Variants in DPYD observed in about 807,000 individuals in gnomAD.
The protein encoded by DPYD is dihydropyrimidine dehydrogenase [NADP(+)].
Under a neutral mutation model 116.2 loss-of-function variants are expected in DPYD, and 109 were observed. That is an observed-to-expected ratio of 0.94 (90% CI 0.80 to 1.10). The LOEUF is 1.10. DPYD is among the 50% of genes least tolerant of loss of function. DPYD has a pLI of 0.00. For missense variants in DPYD, 1,302 were observed against 1,254.5 expected, an observed-to-expected ratio of 1.04 and a Z score of -0.57; for synonymous variants, 440 against 432.0, an observed-to-expected ratio of 1.02 and a Z score of -0.23.
At chr1:97,215,531 ATTCAAATTGTATG>A (rs1326513477) in intron 19 of DPYD, among the ~76,000 whole-genome samples, 2 of 152,112 alleles carry the variant, frequency 1.3e-5, no homozygotes, top group Non-Finnish European at 2.9e-5. Flanking sequence ...CTCCCAGGCT[ATTCAAATTGTATG>A]TTCAAAAGGA....
intron 19 of DPYD, among the ~76,000 whole-genome samples, chr1:97,221,967 A>G (rs74840917): frequency 0.027 from 4,044 of 152,178 alleles, 183 homozygotes; most frequent in African/African-American, 0.092. Flanking sequence ...AACAAGACAC[A>G]GTTATTAAAA....
At chr1:97,792,203 C>G (rs147049391) in intron 3 of DPYD, among the ~76,000 whole-genome samples, 1 of 152,090 alleles carries the variant, frequency 6.6e-6, no homozygotes, top group South Asian at 2.1e-4. Context: ...ATACTCCTGA[C>G]GCCAAACTAG....
At chr1:97,851,283 CTTTA>C (rs894868629) in intron 2 of DPYD, among the ~76,000 whole-genome samples, 4 of 148,170 alleles carry the variant, frequency 2.7e-5, no homozygotes, top group African/African-American at 7.5e-5. Context: ...TTCTGTTGCC[CTTTA>C]TTTAATACTC....
At chr1:97,412,955 C>G (rs1202198275) in intron 14 of DPYD, among the ~76,000 whole-genome samples, 2 of 152,156 alleles carry the variant, frequency 1.3e-5, no homozygotes, top group Admixed American at 6.5e-5. Context: ...ATTTTAGTCT[C>G]AGATGCAGCC....
In DPYD at chr1:97,883,387, T is replaced by A; in HGVS notation, c.40-13A>T. ...AAGCCAGGATACTCTAAAGACAGCA[T>A]AAACAATGTGTAAATATATGGAAAT... On this transcript the variant is annotated splice_polypyrimidine_tract_variant and intron_variant, in intron 1 of 22. Coordinates refer to ENST00000370192, the MANE Select transcript of DPYD (RefSeq NM_000110.4). 1 of 1,513,806 alleles carries A rather than the reference T, an allele frequency of 6.6e-7. No individual in the cohort carries two copies. The highest frequency in any genetic ancestry group is 9.2e-7 in the Non-Finnish European group (1 of 1,088,912). The allele number at this position is 1,513,806 out of a possible 1,614,324, so 93.8% of individuals were successfully genotyped here. A position where few individuals can be genotyped will look rare whatever the true frequency, so the allele number is the denominator to read the frequency against.
chr1:97,194,057 A>T (rs372214751), intron 19 of DPYD, among the ~76,000 whole-genome samples: 9 of 152,338 alleles, frequency 5.9e-5, no homozygotes, highest in Admixed American at 2.6e-4. Flanking sequence ...AGAAGGGAAG[A>T]ACTGCATTTA....
intron 8 of DPYD, among the ~76,000 whole-genome samples, chr1:97,637,776 T>C (rs1657656999): frequency 6.6e-6 from 1 of 152,168 alleles, no homozygotes; most frequent in Admixed American, 6.6e-5. Context: ...TACTTTACTA[T>C]ACATCTCTTT....
chr1:97,386,276 G>T (rs898257103), intron 14 of DPYD, among the ~76,000 whole-genome samples: 1 of 67,706 alleles, frequency 1.5e-5, no homozygotes, highest in African/African-American at 4.2e-5. Flanking sequence ...AACTGGGAAA[G>T]TTAAAACTTT....
chr1:97,643,908 G>A (rs1213647317), intron 8 of DPYD, among the ~76,000 whole-genome samples: 2 of 151,818 alleles, frequency 1.3e-5, no homozygotes, highest in Non-Finnish European at 2.9e-5. Flanking sequence ...GCAGGGAGGG[G>A]AACATCACAC....
At chr1:97,720,972 T>C (rs761060167) in intron 5 of DPYD, 8 of 1,593,720 alleles carry the variant, frequency 5.0e-6, no homozygotes, top group South Asian at 1.1e-5. Context: ...TATTTCCTTA[T>C]ACATTTTTTA....
At position 97,640,185 on chromosome 1, in the gene DPYD, T is replaced by C. The variant is rs561312987; in HGVS notation, c.850+38910A>G. 1.1e-4 allele frequency among the ~76,000 whole-genome samples: 17 copies of C among 152,326 alleles called. No homozygotes were observed. The South Asian group carries it at 3.3e-3, about 30-fold the overall frequency. ...AGGGTACAAATTCTTCGATTTGTTT[T>C]TAAGAAAAAACTTCTAAGAAAATGG... On this transcript the variant is annotated intron_variant, in intron 8 of 22. Transcript: ENST00000370192.
intron 14 of DPYD, among the ~76,000 whole-genome samples, chr1:97,444,701 T>C (rs1025498208): frequency 2.0e-5 from 3 of 152,170 alleles, no homozygotes; most frequent in Non-Finnish European, 4.4e-5. Context: ...GGCCTAACCA[T>C]AAGTATCTTT....
At chr1:97,394,392 T>A (rs1672899020) in intron 14 of DPYD, 1 of 152,008 alleles carries the variant, frequency 6.6e-6, no homozygotes, top group Non-Finnish European at 1.5e-5. Context: ...TATTGTCGCA[T>A]CTCAGGGAAC....
At chr1:97,294,400 C>T (rs917183920) in intron 18 of DPYD, among the ~76,000 whole-genome samples, 2 of 152,122 alleles carry the variant, frequency 1.3e-5, no homozygotes, top group East Asian at 3.8e-4. Flanking sequence ...TTTTTTAAAT[C>T]TCAATTTCTT....
intron 5 of DPYD, among the ~76,000 whole-genome samples, chr1:97,702,870 G>A (rs1337804928): frequency 6.6e-6 from 1 of 151,768 alleles, no homozygotes; most frequent in Non-Finnish European, 1.5e-5. Context: ...TGCAAACATT[G>A]AATTATTTTA....
At chr1:97,437,870 G>C (rs780459035) in intron 14 of DPYD, among the ~76,000 whole-genome samples, 2 of 151,816 alleles carry the variant, frequency 1.3e-5, no homozygotes, top group African/African-American at 4.8e-5. Context: ...TTCTCATTTA[G>C]GTCTATGAGT....
chr1:97,447,992 G>C (rs1676182512), intron 14 of DPYD, among the ~76,000 whole-genome samples: 1 of 152,094 alleles, frequency 6.6e-6, no homozygotes, highest in African/African-American at 2.4e-5. Context: ...GGGAGGCTGA[G>C]GTAGGAGGAC....
At chr1:97,911,574 G>A (rs1457624534) in intron 1 of DPYD, among the ~76,000 whole-genome samples, 9 of 151,752 alleles carry the variant, frequency 5.9e-5, no homozygotes, top group Non-Finnish European at 1.5e-5. Flanking sequence ...TTTCTTCTCT[G>A]AGTACCAGGA....
At chr1:97,373,539 T>A in intron 16 of DPYD, 22 bp downstream of exon 16, 1 of 1,604,354 alleles carries the variant, frequency 6.2e-7, no homozygotes, top group Non-Finnish European at 8.5e-7. Flanking sequence ...ACATACTTAG[T>A]GGCAGCTGTC....
Sources: allele counts gnomAD v4.1 joint callset (sites outside exome capture counted in the v4.1 genomes callset), GRCh38; gene constraint gnomAD v4.1.1; transcripts MANE v1.5; gene names NCBI Gene and HGNC (gene_info 2026-07-23, HGNC 2026-07-21).